The following ZMYND11 variants were observed in gnomAD, a reference collection of about 807,000 sequenced individuals.
ZMYND11 encodes the protein zinc finger MYND domain-containing protein 11.
In ZMYND11, 9 loss-of-function variants were observed where a neutral mutation model predicts 84.9. The ratio of observed to expected loss-of-function variants is 0.11; its 90% confidence interval spans 0.06 to 0.18. ZMYND11 has a LOEUF of 0.18. ZMYND11 is among the 10% of genes least tolerant of loss of function. ZMYND11 has a pLI of 1.00. For synonymous variants in ZMYND11, 250 were observed against 244.1 expected, an observed-to-expected ratio of 1.02 and a Z score of -0.23; for missense variants, 409 against 761.0, an observed-to-expected ratio of 0.54 and a Z score of 5.44.
chr10:180,463 G>A (rs1359192387), intron 2 of ZMYND11, among the ~76,000 whole-genome samples: 1 of 152,102 alleles, frequency 6.6e-6, no homozygotes, highest in African/African-American at 2.4e-5. Flanking sequence ...GTGGTGACCC[G>A]ATCTCAGCTC....
At chr10:215,501 C>T (rs1444673418) in intron 3 of ZMYND11, among the ~76,000 whole-genome samples, 1 of 151,634 alleles carries the variant, frequency 6.6e-6, no homozygotes, top group Admixed American at 6.6e-5. Flanking sequence ...GACTCAAGAG[C>T]AACTGCACGC....
chr10:182,987 G>C (rs1237165860), intron 2 of ZMYND11, among the ~76,000 whole-genome samples: 1 of 151,966 alleles, frequency 6.6e-6, no homozygotes, highest in African/African-American at 2.4e-5. Context: ...GCTGTAGTAG[G>C]GTTACTGTCA....
chr10:247,007 T>C (rs768765101), intron 11 of ZMYND11, 34 bp downstream of exon 11: 1 of 1,546,178 alleles, frequency 6.5e-7, no homozygotes, highest in Non-Finnish European at 8.8e-7. Flanking sequence ...TGCCTATTCA[T>C]TATTACTTTT....
chr10:251,328 C>T (rs1002477421), intron 14 of ZMYND11, among the ~76,000 whole-genome samples: 2 of 152,180 alleles, frequency 1.3e-5, no homozygotes, highest in Non-Finnish European at 2.9e-5. Context: ...AATCCCGACA[C>T]GCCTCATCCA....
At position 173,150 on chromosome 10, in the gene ZMYND11, A is replaced by T. The variant is rs576352135; in HGVS notation, c.-19-6844A>T. ...TACAAAACTGTAAAACTCTTAGGCA[A>T]TAGCATAGGAGGAAACCTAGATTAC... On this transcript the variant is annotated intron_variant, in intron 1 of 14. Transcript: ENST00000381604. Among the ~76,000 whole-genome samples the T allele has an allele frequency of 2.0e-4, 30 of 152,328 alleles. 1 individual carries two copies. In the South Asian group the frequency reaches 6.0e-3, roughly 30 times the overall value.
At chr10:239,001 T>C (rs1056019633) in intron 6 of ZMYND11, among the ~76,000 whole-genome samples, 2 of 152,182 alleles carry the variant, frequency 1.3e-5, no homozygotes, top group Non-Finnish European at 2.9e-5. Flanking sequence ...TATATCTTAG[T>C]AGTTATGGTA....
chr10:190,289 T>A (rs1385689731), intron 2 of ZMYND11, among the ~76,000 whole-genome samples: 1 of 152,154 alleles, frequency 6.6e-6, no homozygotes, highest in Non-Finnish European at 1.5e-5. Context: ...TTCAACAACA[T>A]CATCAGATTG....
chr10:229,805 A>T (rs1173391912), intron 4 of ZMYND11, among the ~76,000 whole-genome samples: 2 of 152,220 alleles, frequency 1.3e-5, no homozygotes, highest in East Asian at 3.8e-4. Flanking sequence ...GACCAGCTTC[A>T]CTTTTAACTT....
In ZMYND11 at chr10:159,701, T is replaced by C. The variant is rs529991803; in HGVS notation, c.-19-20293T>C. Among the ~76,000 whole-genome samples the C allele has an allele frequency of 4.5e-4, 68 of 152,354 alleles. No homozygotes were observed. In the South Asian group the frequency reaches 5.2e-3, roughly 12 times the overall value. On this transcript the variant is annotated intron_variant, in intron 1 of 14. Transcript: ENST00000381604. The stretch of plus-strand genomic sequence containing the variant: ...TTTTGCCTATTCAATTTGTCACTTA[T>C]ATTTTTACTTTGTTTACCGTGTATT...
chr10:221,399 A>G, intron 4 of ZMYND11, 43 bp downstream of exon 4: 3 of 1,585,116 alleles, frequency 1.9e-6, no homozygotes, highest in Non-Finnish European at 2.6e-6. Flanking sequence ...GAGGGTTGGA[A>G]TTAATTCATA....
intron 1 of ZMYND11, among the ~76,000 whole-genome samples, chr10:144,733 T>A (rs528580628): frequency 2.8e-5 from 4 of 144,602 alleles, no homozygotes; most frequent in South Asian, 2.2e-4. Context: ...ACATATAAAA[T>A]ATATATATAA....
rs1017361 is a variant in ZMYND11, at chr10:249,013, A to G, written c.1611A>G (p.Glu537=). 0.97 allele frequency: 1,568,004 copies of G among 1,614,224 alleles called. 761,963 individuals carry two copies. Among genetic ancestry groups the G allele is most frequent in the Non-Finnish European group, 0.98 (1,155,913 of 1,180,050 alleles). Residue 537 remains glutamate (E), a synonymous_variant, in exon 14 of 15, where the codon GAA becomes GAG. Coordinates refer to ENST00000381604, the MANE Select transcript of ZMYND11 (RefSeq NM_001370100.5). The part of the protein sequence containing the change: ...KCKQVKEKCK[E]EFVEEIKKLA... ...AGCAAGTAAAGGAAAAGTGTAAGGA[A>G]GAATTTGTAGAAGAAATCAAGAAGC... is the stretch of plus-strand genomic sequence containing the variant.
intron 2 of ZMYND11, among the ~76,000 whole-genome samples, chr10:197,470 A>T (rs922952388): frequency 6.6e-6 from 1 of 152,254 alleles, no homozygotes; most frequent in Non-Finnish European, 1.5e-5. Context: ...TATATGAAAT[A>T]GAGCCACAAG....
intron 3 of ZMYND11, among the ~76,000 whole-genome samples, chr10:212,438 C>A (rs1588990387): frequency 1.3e-5 from 2 of 151,490 alleles, no homozygotes; most frequent in African/African-American, 4.8e-5. Flanking sequence ...GTGAATATAT[C>A]AAAATTGTGC....
At chr10:200,205 G>GGGGTGTGTGTGTGTGTGTGT (rs1554774397) in intron 2 of ZMYND11, among the ~76,000 whole-genome samples, 29 of 132,422 alleles carry the variant, frequency 2.2e-4, no homozygotes, top group Admixed American at 2.5e-4. Flanking sequence ...GCCTGGCTAG[G>GGGGTGTGTGTGTGTGTGTGT]GTGTGTGTGT....
intron 4 of ZMYND11, among the ~76,000 whole-genome samples, chr10:235,063 A>AC (rs1416356357): frequency 6.6e-6 from 1 of 151,996 alleles, no homozygotes; most frequent in Non-Finnish European, 1.5e-5. Context: ...TGTTCTCACT[A>AC]CAAAAACCAG....
chr10:154,064 GT>G (rs559760994), intron 1 of ZMYND11, among the ~76,000 whole-genome samples: 108 of 152,220 alleles, frequency 7.1e-4, no homozygotes, highest in Non-Finnish European at 1.1e-3. Context: ...CACACTTACT[GT>G]TTAATTGATC....
At chr10:179,315 T>A (rs1286454540) in intron 1 of ZMYND11, among the ~76,000 whole-genome samples, 1 of 152,088 alleles carries the variant, frequency 6.6e-6, no homozygotes, top group Non-Finnish European at 1.5e-5. Flanking sequence ...TGGTGGCAGT[T>A]TTCTTCAATT....
intron 2 of ZMYND11, among the ~76,000 whole-genome samples, chr10:193,655 A>G (rs1941010168): frequency 6.6e-6 from 1 of 152,210 alleles, no homozygotes; most frequent in South Asian, 2.1e-4. Context: ...CTTCCTCTGT[A>G]AACTAATGAC....
Sources: gnomAD v4.1 joint callset for allele counts (sites outside exome capture counted in the v4.1 genomes callset) on GRCh38, gnomAD v4.1.1 for gene constraint, MANE v1.5 for transcripts, NCBI Gene and HGNC (gene_info 2026-07-23, HGNC 2026-07-21) for gene names.